PIK3R3: variants seen among roughly 807,000 people sequenced by gnomAD.
The protein encoded by PIK3R3 is phosphatidylinositol 3-kinase regulatory subunit gamma.
Under a neutral mutation model 62.9 loss-of-function variants are expected in PIK3R3, and 64 were observed. The observed-to-expected ratio is 1.02, with a 90% CI of 0.83 to 1.25. The LOEUF (loss-of-function observed/expected upper bound fraction) is 1.25, where lower values mean the gene tolerates loss of function less well. Among genes scored for constraint, PIK3R3 ranks in the 50% most tolerant of loss-of-function variants. PIK3R3 has a pLI of 0.00. For synonymous variants in PIK3R3, 165 were observed against 189.0 expected (o/e 0.87, Z 1.04); for missense variants, 614 against 561.6 (o/e 1.09, Z -0.94).
intron 1 of PIK3R3, among the ~76,000 whole-genome samples, chr1:46,115,360 T>C (rs1232527018): frequency 3.3e-5 from 5 of 152,214 alleles, no homozygotes; most frequent in Non-Finnish European, 5.9e-5. Context: ...AGTATCCTCA[T>C]ATCCACCACA....
intron 2 of PIK3R3, among the ~76,000 whole-genome samples, chr1:46,078,449 G>A (rs983651666): frequency 9.2e-5 from 14 of 152,206 alleles, no homozygotes; most frequent in Admixed American, 2.6e-4. Context: ...GGCTGAGACA[G>A]GGGAATCACT....
upstream of PIK3R3, among the ~76,000 whole-genome samples, chr1:46,134,974 T>G (rs1448102507): frequency 1.3e-5 from 2 of 152,212 alleles, no homozygotes; most frequent in Non-Finnish European, 2.9e-5. Flanking sequence ...CTCTCCAACT[T>G]AAATAGACCT....
intron 3 of PIK3R3, among the ~76,000 whole-genome samples, chr1:46,071,011 G>A (rs1649429727): frequency 6.6e-6 from 1 of 152,166 alleles, no homozygotes; most frequent in South Asian, 2.1e-4. Context: ...ACTCTCTGCA[G>A]TCTGGTTTTA....
chr1:46,148,743 G>GGAGA, the PIK3R3 span, among the ~76,000 whole-genome samples: 1,916 of 143,440 alleles, frequency 0.013, 27 homozygotes, highest in Middle Eastern at 0.021. Context: ...CCAAGATTTT[G>GGAGA]GAGAGAGAGA....
the PIK3R3 span, among the ~76,000 whole-genome samples, chr1:46,165,712 A>ATTTATTTG: frequency 1.3e-5 from 1 of 78,710 alleles, no homozygotes; most frequent in East Asian, 4.7e-4. Context: ...ACCCAGGTCT[A>ATTTATTTG]TTTATTTGTT....
the PIK3R3 span, among the ~76,000 whole-genome samples, chr1:46,172,367 G>A: frequency 6.6e-6 from 1 of 152,150 alleles, no homozygotes; most frequent in Admixed American, 6.5e-5. Context: ...AGTAGCTCAC[G>A]TCTGTAATCC....
At chr1:46,142,423 G>A in the PIK3R3 span, among the ~76,000 whole-genome samples, 9 of 152,318 alleles carry the variant, frequency 5.9e-5, no homozygotes, top group East Asian at 3.9e-4. Flanking sequence ...CAGAGGCCGG[G>A]CGCGGTGGCT....
chr1:46,146,353 C>T, the PIK3R3 span, among the ~76,000 whole-genome samples: 1 of 152,118 alleles, frequency 6.6e-6, no homozygotes, highest in Admixed American at 6.6e-5. Flanking sequence ...TGTGACTTTC[C>T]TCACCCACTT....
At chr1:46,086,389 G>A (rs114353206) in intron 1 of PIK3R3, among the ~76,000 whole-genome samples, 131 of 152,228 alleles carry the variant, frequency 8.6e-4, no homozygotes, top group African/African-American at 3.1e-3. Context: ...CCAGAAGTTC[G>A]AACCCACAGT....
At chr1:46,124,403 T>G (rs1654914660) in intron 1 of PIK3R3, among the ~76,000 whole-genome samples, 1 of 152,204 alleles carries the variant, frequency 6.6e-6, no homozygotes, top group African/African-American at 2.4e-5. Context: ...AAAAATTATA[T>G]CATATCACAT....
chr1:46,095,997 T>A (rs962615861), intron 1 of PIK3R3, among the ~76,000 whole-genome samples: 1 of 152,202 alleles, frequency 6.6e-6, no homozygotes, highest in Non-Finnish European at 1.5e-5. Context: ...TTACCCAGGA[T>A]GGTATTGAAC....
chr1:46,049,110 A>G (rs1647188670), intron 7 of PIK3R3, among the ~76,000 whole-genome samples: 1 of 151,360 alleles, frequency 6.6e-6, no homozygotes, highest in African/African-American at 2.4e-5. Context: ...CTATATATAC[A>G]TATTTTTTGG....
At chr1:46,108,379 C>T (rs906980298) in intron 1 of PIK3R3, among the ~76,000 whole-genome samples, 3 of 152,172 alleles carry the variant, frequency 2.0e-5, no homozygotes, top group African/African-American at 7.2e-5. Context: ...AATCCAACTG[C>T]CTGCTTCCTC....
At chr1:46,050,553 G>A (rs965504209) in intron 7 of PIK3R3, among the ~76,000 whole-genome samples, 3 of 152,060 alleles carry the variant, frequency 2.0e-5, no homozygotes, top group Admixed American at 6.6e-5. Flanking sequence ...CAACAAGAGC[G>A]AAAATCTGTC....
chr1:46,128,849 G>A (rs542231955), intron 1 of PIK3R3, among the ~76,000 whole-genome samples: 52 of 152,312 alleles, frequency 3.4e-4, no homozygotes, highest in African/African-American at 1.1e-3. Context: ...GGGAGGCCGA[G>A]GCAGGCAGAT....
At chr1:46,067,289 C>G (rs1453020052) in intron 3 of PIK3R3, among the ~76,000 whole-genome samples, 198 bp from the exon 4 acceptor site, 1 of 99,690 alleles carries the variant, frequency 1.0e-5, no homozygotes, top group African/African-American at 3.4e-5. Flanking sequence ...ATTCATTTTG[C>G]ATTGTTTTGT....
rs1272154965 is a variant in PIK3R3, at chr1:46,044,714, A to C, written c.1188-843T>G. Among the ~76,000 whole-genome samples, 1 of 151,496 alleles carries C rather than the reference A, an allele frequency of 6.6e-6. No individual in the cohort carries two copies. Among genetic ancestry groups the C allele is most frequent in the African/African-American group, 2.4e-5 (1 of 41,170 alleles). ...CCATCTCAGATACCTTTTCCACAAA[A>C]CCTCCCAATCCGCTCTTTCTCCACT... is the stretch of plus-strand genomic sequence containing the variant. On this transcript the variant is annotated intron_variant, in intron 9 of 9. Coordinates refer to ENST00000262741, the MANE Select transcript of PIK3R3 (RefSeq NM_003629.4). The surrounding 1 kb of genome is among the most constrained non-coding windows in gnomAD (Gnocchi z 4.2).
chr1:46,087,009 C>G (rs889197731), intron 1 of PIK3R3, among the ~76,000 whole-genome samples: 1 of 152,074 alleles, frequency 6.6e-6, no homozygotes, highest in Non-Finnish European at 1.5e-5. Flanking sequence ...AGCGAACTAT[C>G]GCAAGGACAG....
chr1:46,074,564 G>A (rs979631004), intron 3 of PIK3R3, among the ~76,000 whole-genome samples: 1 of 151,900 alleles, frequency 6.6e-6, no homozygotes, highest in Non-Finnish European at 1.5e-5. Context: ...GTGGGGGTGG[G>A]TCCTGAGAAG....
Sources: gnomAD v4.1 joint callset for allele counts (sites outside exome capture counted in the v4.1 genomes callset) on GRCh38, gnomAD v4.1.1 for gene constraint, Gnocchi (gnomAD v3.1) non-coding constraint, MANE v1.5 for transcripts, NCBI Gene and HGNC (gene_info 2026-07-23, HGNC 2026-07-21) for gene names.